CNTN4: variants seen among roughly 807,000 people sequenced by gnomAD.
CNTN4 encodes the protein contactin 4.
Under a neutral mutation model 122.5 loss-of-function variants are expected in CNTN4, and 77 were observed. That is an observed-to-expected ratio of 0.63 (90% CI 0.52 to 0.76). The LOEUF is 0.76. Among genes scored for constraint, CNTN4 ranks in the 30% least tolerant of loss-of-function variants. The pLI, the probability that CNTN4 is intolerant of heterozygous loss-of-function variation, is 0.00. For missense variants in CNTN4, 1,256 were observed against 1,259.1 expected (o/e 1.00, Z 0.04); for synonymous variants, 512 against 447.0 (o/e 1.15, Z -1.83).
chr3:2,583,874 C>T (rs1337148991), intron 4 of CNTN4, among the ~76,000 whole-genome samples: 1 of 152,062 alleles, frequency 6.6e-6, no homozygotes, highest in Non-Finnish European at 1.5e-5. Flanking sequence ...CTCTGTTCTG[C>T]CAGATTTAAG....
intron 2 of CNTN4, among the ~76,000 whole-genome samples, chr3:2,323,978 A>C (rs150785066): frequency 1.3e-5 from 2 of 152,188 alleles, no homozygotes; most frequent in Non-Finnish European, 2.9e-5. Context: ...GGGCTTCTCA[A>C]CTTCAACACT....
At chr3:2,612,064 C>A (rs2081515787) in intron 4 of CNTN4, among the ~76,000 whole-genome samples, 1 of 150,944 alleles carries the variant, frequency 6.6e-6, no homozygotes, top group Non-Finnish European at 1.5e-5. Flanking sequence ...AAAGAAAAAT[C>A]TATTATTCAA....
intron 2 of CNTN4, among the ~76,000 whole-genome samples, chr3:2,120,412 T>A (rs1173205048): frequency 4.8e-5 from 5 of 103,534 alleles, no homozygotes; most frequent in South Asian, 3.1e-4. Context: ...TATATTTTTT[T>A]TTTTTTTTTT....
chr3:2,206,121 C>G (rs2038331528), intron 2 of CNTN4, among the ~76,000 whole-genome samples: 1 of 152,026 alleles, frequency 6.6e-6, no homozygotes, highest in Non-Finnish European at 1.5e-5. Context: ...ACCTTCTCCT[C>G]TTCTATTTCT....
chr3:2,513,639 A>T (rs1442011260), intron 3 of CNTN4, among the ~76,000 whole-genome samples: 1 of 152,200 alleles, frequency 6.6e-6, no homozygotes, highest in Admixed American at 6.5e-5. Flanking sequence ...TATACCTTAC[A>T]ATATTAAACA....
intron 4 of CNTN4, among the ~76,000 whole-genome samples, chr3:2,628,305 G>A (rs2082287896): frequency 6.6e-6 from 1 of 152,204 alleles, no homozygotes; most frequent in Non-Finnish European, 1.5e-5. Flanking sequence ...CCAGGTAGGA[G>A]GTGCCGCAGG....
At chr3:2,506,290 C>T (rs1269731852) in intron 3 of CNTN4, among the ~76,000 whole-genome samples, 2 of 152,130 alleles carry the variant, frequency 1.3e-5, no homozygotes, top group East Asian at 3.9e-4. Context: ...GCCTACACGC[C>T]CTGGAGCCGA....
chr3:2,305,527 A>G (rs138546980), intron 2 of CNTN4, among the ~76,000 whole-genome samples: 74 of 152,330 alleles, frequency 4.9e-4, no homozygotes, highest in African/African-American at 1.7e-3. Flanking sequence ...TACCAATGAT[A>G]TAGTTTCCAA....
intron 2 of CNTN4, among the ~76,000 whole-genome samples, chr3:2,245,260 G>C (rs2149641542): frequency 6.6e-6 from 1 of 152,144 alleles, no homozygotes; most frequent in Non-Finnish European, 1.5e-5. Context: ...CTGAGGCTAG[G>C]GAGATCCCTA....
At chr3:2,559,863 T>G (rs773450338) in intron 3 of CNTN4, among the ~76,000 whole-genome samples, 19 of 152,128 alleles carry the variant, frequency 1.2e-4, no homozygotes, top group Non-Finnish European at 2.5e-4. Flanking sequence ...ACCTAGAAAA[T>G]GAAGAAGAAT....
chr3:2,837,226 C>T (rs114733392), intron 7 of CNTN4, among the ~76,000 whole-genome samples: 2,170 of 152,246 alleles, frequency 0.014, 54 homozygotes, highest in African/African-American at 0.051. Context: ...ACTAGCCTTT[C>T]GGGGAGGAAG....
At chr3:2,447,007 G>A (rs1002984475) in intron 3 of CNTN4, among the ~76,000 whole-genome samples, 1 of 152,144 alleles carries the variant, frequency 6.6e-6, no homozygotes, top group Non-Finnish European at 1.5e-5. Flanking sequence ...AGTTGCTTAT[G>A]CAACAAAAGA....
At chr3:2,834,828 G>A (rs1453169443) in intron 7 of CNTN4, among the ~76,000 whole-genome samples, 1 of 149,442 alleles carries the variant, frequency 6.7e-6, no homozygotes, top group African/African-American at 2.5e-5. Flanking sequence ...AAAAATAAAT[G>A]AGGGCAGAAT....
rs552941087 is a variant in CNTN4, at chr3:2,308,434, C to A, written c.-144-30744C>A. Reference sequence around the variant, plus strand: ...TACTCCAGTCTTTATTATTTTCTCCCTTCTGTTGCTCTTCTTTTCCAGGGT... The same window carrying A: ...TACTCCAGTCTTTATTATTTTCTCCATTCTGTTGCTCTTCTTTTCCAGGGT... On this transcript the variant is annotated intron_variant, in intron 2 of 24. Coordinates refer to ENST00000418658, the MANE Select transcript of CNTN4 (RefSeq NM_175607.3). Among the ~76,000 whole-genome samples, 10 of 151,960 alleles carry A rather than the reference C, an allele frequency of 6.6e-5. No homozygotes were observed. In the South Asian group the frequency reaches 2.1e-3, roughly 31 times the overall value.
intron 3 of CNTN4, among the ~76,000 whole-genome samples, chr3:2,414,077 A>G (rs1330832663): frequency 6.6e-6 from 1 of 152,164 alleles, no homozygotes; most frequent in African/African-American, 2.4e-5. Context: ...CCTCCAGCAT[A>G]CGAATGATAT....
At chr3:3,025,486 G>A (rs893510005) in intron 14 of CNTN4, among the ~76,000 whole-genome samples, 2 of 151,970 alleles carry the variant, frequency 1.3e-5, no homozygotes, top group Non-Finnish European at 2.9e-5. Flanking sequence ...AAGGAAAATC[G>A]TATTTGTCTC....
intron 6 of CNTN4, among the ~76,000 whole-genome samples, chr3:2,759,279 C>T (rs1182424443): frequency 6.6e-6 from 1 of 152,164 alleles, no homozygotes; most frequent in African/African-American, 2.4e-5. Context: ...CCTCAGCCTC[C>T]TGAGTAGCTG....
intron 12 of CNTN4, among the ~76,000 whole-genome samples, chr3:2,916,894 C>T (rs543758027): frequency 3.2e-4 from 48 of 150,658 alleles, no homozygotes; most frequent in African/African-American, 1.1e-3. Context: ...ACTTCCTAGA[C>T]GGGGTGGCGG....
At chr3:2,466,531 G>A (rs2151469675) in intron 3 of CNTN4, among the ~76,000 whole-genome samples, 1 of 152,246 alleles carries the variant, frequency 6.6e-6, no homozygotes, top group African/African-American at 2.4e-5. Context: ...TTTTTAAAAG[G>A]ACTGGAATGA....
Sources: gnomAD v4.1 joint callset for allele counts (sites outside exome capture counted in the v4.1 genomes callset) on GRCh38, gnomAD v4.1.1 for gene constraint, MANE v1.5 for transcripts, NCBI Gene and HGNC (gene_info 2026-07-23, HGNC 2026-07-21) for gene names.